The following ATG7 variants were observed in gnomAD, a reference collection of about 807,000 sequenced individuals.
ATG7 encodes autophagy related 7.
In ATG7, 70 loss-of-function variants were observed where a neutral mutation model predicts 82.4. That is an observed-to-expected ratio of 0.85 (90% confidence interval 0.70 to 1.04). The LOEUF (loss-of-function observed/expected upper bound fraction) is 1.04, where lower values mean the gene tolerates loss of function less well. ATG7 is among the 50% of genes least tolerant of loss of function. The probability of loss-of-function intolerance (pLI) is 0.00; values close to 1 mark genes in which losing one functional copy is unlikely to be tolerated. For missense variants in ATG7, 792 were observed against 864.3 expected (o/e 0.92, Z 1.05); for synonymous variants, 287 against 313.0 (o/e 0.92, Z 0.88).
At chr3:11,475,894 C>CAT (rs1363913875) in intron 20 of ATG7, among the ~76,000 whole-genome samples, 12 of 151,310 alleles carry the variant, frequency 7.9e-5, no homozygotes, top group African/African-American at 1.5e-4. Flanking sequence ...CACACACACA[C>CAT]ACACACACAC....
downstream of ATG7, among the ~76,000 whole-genome samples, chr3:11,561,131 C>T (rs1025849127): frequency 6.6e-6 from 1 of 152,148 alleles, no homozygotes; most frequent in Admixed American, 6.5e-5. Flanking sequence ...GGAGACCCCC[C>T]CCCAGGGTCC....
At chr3:11,332,799 A>G in intron 10 of ATG7, 173 bp from the exon 11 acceptor site, 1 of 531,232 alleles carries the variant, frequency 1.9e-6, no homozygotes, top group Non-Finnish European at 2.8e-6. Context: ...CAGAGGAGCC[A>G]TATATGAATA....
chr3:11,437,250 A>C (rs1055567988), intron 20 of ATG7, among the ~76,000 whole-genome samples: 15 of 152,026 alleles, frequency 9.9e-5, no homozygotes, highest in Non-Finnish European at 2.2e-4. Flanking sequence ...TATGACAAGG[A>C]TCTCTTCCAT....
chr3:11,310,267 G>A (rs893768394), intron 7 of ATG7, among the ~76,000 whole-genome samples: 6 of 152,076 alleles, frequency 3.9e-5, no homozygotes, highest in Non-Finnish European at 7.4e-5. Context: ...TCTTTGGAGC[G>A]GGCATATAAA....
intron 13 of ATG7, among the ~76,000 whole-genome samples, 183 bp downstream of exon 13, chr3:11,342,462 A>G (rs1165521101): frequency 6.6e-6 from 1 of 152,140 alleles, no homozygotes; most frequent in Admixed American, 6.5e-5. Flanking sequence ...TCAGATAGAA[A>G]CAGAAAGTCC....
At chr3:11,512,683 C>T (rs980162384) in intron 20 of ATG7, among the ~76,000 whole-genome samples, 23 of 152,176 alleles carry the variant, frequency 1.5e-4, no homozygotes, top group Non-Finnish European at 2.6e-4. Context: ...TGTTACAGCT[C>T]ATAAAAGCAG....
At chr3:11,363,662 G>GT (rs1426145317) in intron 17 of ATG7, among the ~76,000 whole-genome samples, 2 of 152,218 alleles carry the variant, frequency 1.3e-5, no homozygotes, top group Non-Finnish European at 2.9e-5. Context: ...AATTTACATA[G>GT]TAAATGGAAA....
At chr3:11,501,164 G>A (rs2091292153) in intron 20 of ATG7, among the ~76,000 whole-genome samples, 2 of 152,220 alleles carry the variant, frequency 1.3e-5, no homozygotes, top group African/African-American at 2.4e-5. Flanking sequence ...TGAGGTGGGA[G>A]GATCACTTGA....
chr3:11,298,661 T>C (rs753143932), intron 3 of ATG7, 25 bp from the exon 4 acceptor site: 1 of 1,600,932 alleles, frequency 6.2e-7, no homozygotes, highest in East Asian at 2.2e-5. Flanking sequence ...GTTATTTTGC[T>C]GTGTTCTGTT....
intron 20 of ATG7, among the ~76,000 whole-genome samples, chr3:11,552,989 C>T (rs1367897648): frequency 6.6e-6 from 1 of 152,226 alleles, no homozygotes; most frequent in African/African-American, 2.4e-5. Flanking sequence ...AGAACAACCC[C>T]AACCACCCAT....
chr3:11,276,700 T>A (rs536390340), intron 1 of ATG7, among the ~76,000 whole-genome samples: 4 of 152,282 alleles, frequency 2.6e-5, no homozygotes, highest in African/African-American at 9.6e-5. Context: ...AGTCCTACTT[T>A]GTATTATCTC....
At chr3:11,304,519 T>C (rs1342116609) in intron 5 of ATG7, 1 of 152,234 alleles carries the variant, frequency 6.6e-6, no homozygotes, top group Non-Finnish European at 1.5e-5. Context: ...CCTGTGGGCA[T>C]GTGAAGCTGT....
intron 9 of ATG7, among the ~76,000 whole-genome samples, chr3:11,322,561 T>C (rs1950347799): frequency 6.6e-6 from 1 of 152,230 alleles, no homozygotes; most frequent in Admixed American, 6.5e-5. Context: ...TTTTTAAAAC[T>C]AAGATTGTAC....
chr3:11,304,045 C>T (rs556441856), intron 5 of ATG7, among the ~76,000 whole-genome samples: 6 of 151,918 alleles, frequency 3.9e-5, no homozygotes, highest in African/African-American at 1.5e-4. Context: ...GAGCCGAGAT[C>T]GCACGACTGC....
Position 11,369,793 on chromosome 3 carries a change from A to G in ATG7, c.1875+5059A>G, listed in dbSNP as rs546539542. Among the ~76,000 whole-genome samples, 20 of 151,204 alleles carry G rather than the reference A, an allele frequency of 1.3e-4. 2 individuals are homozygous for G. The South Asian group carries it at 4.2e-3, about 32-fold the overall frequency. On this transcript the variant is annotated intron_variant, in intron 18 of 20. Coordinates refer to ENST00000693202, the MANE Select transcript of ATG7 (RefSeq NM_001349232.2). ...TGGGCCTAACCTTACAGGTTGAAGG[A>G]TGTCACTTTGCCCCATGAGTTTTAC...
chr3:11,526,683 A>G (rs1272964669), intron 20 of ATG7, among the ~76,000 whole-genome samples: 2 of 152,196 alleles, frequency 1.3e-5, no homozygotes, highest in African/African-American at 4.8e-5. Context: ...TCTTTTGCAA[A>G]TAACAATAGT....
intron 19 of ATG7, among the ~76,000 whole-genome samples, chr3:11,424,207 A>C (rs2082174852): frequency 6.6e-6 from 1 of 152,132 alleles, no homozygotes. Flanking sequence ...CCTCTTCATC[A>C]GTGCTTTAGA....
chr3:11,562,413 G>A (rs926178969), downstream of ATG7, among the ~76,000 whole-genome samples: 2 of 152,082 alleles, frequency 1.3e-5, no homozygotes, highest in South Asian at 2.1e-4. Flanking sequence ...GGCTTCCACC[G>A]TGCCCACCCC....
the ATG7 span, chr3:11,564,771 C>G: frequency 3.0e-4 from 463 of 1,531,760 alleles, 7 homozygotes; most frequent in East Asian, 0.011. Context: ...GGACTCCCCA[C>G]GCCACCCTCC....
Sources: allele counts gnomAD v4.1 joint callset (sites outside exome capture counted in the v4.1 genomes callset), GRCh38; gene constraint gnomAD v4.1.1; transcripts MANE v1.5; gene names NCBI Gene and HGNC (gene_info 2026-07-23, HGNC 2026-07-21).